The following RELB variants were observed in gnomAD, a reference collection of about 807,000 sequenced individuals.
RELB encodes transcription factor RelB.
Under a neutral mutation model 55.4 loss-of-function variants are expected in RELB, and 14 were observed. The observed-to-expected ratio is 0.25, with a 90% CI of 0.17 to 0.40. The LOEUF is 0.40. Ranked by LOEUF, RELB falls within the 10% of genes least tolerant of loss-of-function variation. The probability of loss-of-function intolerance (pLI) is 1.00; values close to 1 mark genes in which losing one functional copy is unlikely to be tolerated. For missense variants in RELB, 669 were observed against 830.7 expected (o/e 0.81, Z 2.39); for synonymous variants, 409 against 371.3 (o/e 1.10, Z -1.17).
intron 11 of RELB, among the ~76,000 whole-genome samples, chr19:45,035,552 G>A (rs998157691): frequency 6.7e-6 from 1 of 150,082 alleles, no homozygotes; most frequent in Admixed American, 6.6e-5. Context: ...AACAGGCCTG[G>A]CACTGTGGCT....
chr19:45,025,854 T>A, intron 7 of RELB, 117 bp downstream of exon 7: 1 of 1,301,914 alleles, frequency 7.7e-7, no homozygotes, highest in Admixed American at 1.8e-5. Flanking sequence ...ATCCCAACAC[T>A]TTGGGAGGTC....
chr19:45,028,168 G>A (rs1971579767), intron 7 of RELB, among the ~76,000 whole-genome samples: 1 of 152,086 alleles, frequency 6.6e-6, no homozygotes, highest in Middle Eastern at 3.4e-3. Context: ...ACAGGTGTGA[G>A]CCATCATGCC....
intron 9 of RELB, 62 bp downstream of exon 9, chr19:45,032,811 AC>A: frequency 1.4e-6 from 2 of 1,397,872 alleles, no homozygotes; most frequent in African/African-American, 1.4e-5. Context: ...CCTTGGGGAG[AC>A]CCCAGTGGGG....
intron 7 of RELB, among the ~76,000 whole-genome samples, chr19:45,027,489 T>G (rs1971572758): frequency 6.6e-6 from 1 of 152,146 alleles, no homozygotes; most frequent in African/African-American, 2.4e-5. Context: ...TGCTTTTAGC[T>G]TCTCTTACCT....
intron 11 of RELB, among the ~76,000 whole-genome samples, chr19:45,035,745 G>T (rs146655724): frequency 3.9e-5 from 6 of 152,292 alleles, no homozygotes; most frequent in African/African-American, 1.2e-4. Flanking sequence ...AGAATCATTT[G>T]AACCCAAAAG....
At chr19:45,027,216 G>C (rs532154495) in intron 7 of RELB, among the ~76,000 whole-genome samples, 1 of 139,152 alleles carries the variant, frequency 7.2e-6, no homozygotes, top group Non-Finnish European at 1.6e-5. Flanking sequence ...CCGGGCAACA[G>C]AGCGAGACTC....
chr19:45,001,815 C>T (rs1449015487), intron 1 of RELB, 130 bp downstream of exon 1: 1 of 553,186 alleles, frequency 1.8e-6, no homozygotes, highest in Non-Finnish European at 3.1e-6. Context: ...GTGAGGGTTC[C>T]TGAGACACTG....
At chr19:45,001,884 G>T (rs35054709) in intron 1 of RELB, among the ~76,000 whole-genome samples, 199 bp downstream of exon 1, 2 of 152,192 alleles carry the variant, frequency 1.3e-5, no homozygotes, top group South Asian at 4.1e-4. Context: ...AGGTTCGAGC[G>T]AGGCGTCCCG....
chr19:45,002,534 C>G (rs1222831573), intron 1 of RELB, among the ~76,000 whole-genome samples: 4 of 152,030 alleles, frequency 2.6e-5, no homozygotes, highest in Non-Finnish European at 5.9e-5. Context: ...TGTAGTTTTA[C>G]TAGAGACGGG....
chr19:45,031,216 T>G (rs1326886547), intron 8 of RELB, among the ~76,000 whole-genome samples: 4 of 152,138 alleles, frequency 2.6e-5, no homozygotes, highest in East Asian at 1.9e-4. Flanking sequence ...TTTTGTTTTT[T>G]TTTTTAAGAA....
chr19:45,029,292 T>C (rs1003388770), intron 8 of RELB, among the ~76,000 whole-genome samples: 7 of 151,998 alleles, frequency 4.6e-5, no homozygotes, highest in African/African-American at 1.4e-4. Context: ...ATGTTAAGGG[T>C]GGAATTGCAT....
At chr19:45,030,640 A>G (rs1439291861) in intron 8 of RELB, among the ~76,000 whole-genome samples, 2 of 151,914 alleles carry the variant, frequency 1.3e-5, no homozygotes, top group Non-Finnish European at 2.9e-5. Context: ...TCAAAAAATG[A>G]AATAAAATAG....
intron 4 of RELB, among the ~76,000 whole-genome samples, chr19:45,018,284 G>T (rs1326701172): frequency 6.6e-6 from 1 of 151,946 alleles, no homozygotes; most frequent in East Asian, 2.0e-4. Flanking sequence ...GGCGCCTATA[G>T]TCCCAGCTAC....
At chr19:45,032,159 C>T (rs1228204611) in intron 8 of RELB, among the ~76,000 whole-genome samples, 1 of 151,866 alleles carries the variant, frequency 6.6e-6, no homozygotes, top group Non-Finnish European at 1.5e-5. Context: ...TTACTTGAAC[C>T]AGGGAGTTGG....
rs907744499 is a variant in RELB at position 45,009,841 on chromosome 19, G to A, written c.163+19G>A. 2.3e-5 allele frequency: 37 copies of A among 1,598,938 alleles called. No homozygotes were observed. The highest frequency in any genetic ancestry group is 3.1e-5 in the Non-Finnish European group (37 of 1,179,588). On this transcript the variant is annotated intron_variant, in intron 3 of 11. Transcript: ENST00000221452. ...GAATTGGGTGAGTATCACAGGGCAG[G>A]TTTGCGGGGAGGCTGAGGGACCCAA...
chr19:45,015,344 A>G (rs772709892), intron 4 of RELB, among the ~76,000 whole-genome samples: 1 of 152,196 alleles, frequency 6.6e-6, no homozygotes, highest in Non-Finnish European at 1.5e-5. Flanking sequence ...GGTACTTTGC[A>G]TACCTATTTT....
intron 11 of RELB, among the ~76,000 whole-genome samples, chr19:45,035,784 C>T (rs1971678974): frequency 6.6e-6 from 1 of 152,194 alleles, no homozygotes; most frequent in Non-Finnish European, 1.5e-5. Context: ...CAAGATGGTG[C>T]CACTGTGTTC....
chr19:45,004,879 C>A (rs1004402938), intron 2 of RELB, among the ~76,000 whole-genome samples: 1 of 148,624 alleles, frequency 6.7e-6, no homozygotes, highest in Non-Finnish European at 1.5e-5. Flanking sequence ...AACAAACAAA[C>A]AAAAAAACAG....
chr19:45,025,557 A>G (rs1469387139), intron 6 of RELB, 49 bp from the exon 7 acceptor site: 4 of 1,609,772 alleles, frequency 2.5e-6, no homozygotes, highest in South Asian at 1.1e-5. Flanking sequence ...TGTACCCCAG[A>G]GAGGGTCTCC....
Sources: allele counts gnomAD v4.1 joint callset (sites outside exome capture counted in the v4.1 genomes callset), GRCh38; gene constraint gnomAD v4.1.1; transcripts MANE v1.5; gene names NCBI Gene and HGNC (gene_info 2026-07-23, HGNC 2026-07-21).